PLD1: variants seen among roughly 807,000 people sequenced by gnomAD.
The protein encoded by PLD1 is choline phosphatase 1.
In PLD1, 112 loss-of-function variants were observed where a neutral mutation model predicts 137.1. The ratio of observed to expected loss-of-function variants is 0.82; its 90% CI spans 0.70 to 0.96. The LOEUF (loss-of-function observed/expected upper bound fraction) is 0.96. Among genes scored for constraint, PLD1 ranks in the 40% least tolerant of loss-of-function variants. The pLI, the probability that PLD1 is intolerant of heterozygous loss-of-function variation, is 0.00. For missense variants in PLD1, 1,321 were observed against 1,342.0 expected, an observed-to-expected ratio of 0.98 and a Z score of 0.24; for synonymous variants, 431 against 454.7, an observed-to-expected ratio of 0.95 and a Z score of 0.66.
chr3:171,644,021 C>A (rs1735992313), intron 22 of PLD1, among the ~76,000 whole-genome samples: 1 of 152,044 alleles, frequency 6.6e-6, no homozygotes, highest in African/African-American at 2.4e-5. Context: ...GGCGAGGGGG[C>A]CCAAGCAGGA....
At chr3:171,727,543 G>A (rs1001389476) in intron 6 of PLD1, among the ~76,000 whole-genome samples, 1 of 152,172 alleles carries the variant, frequency 6.6e-6, no homozygotes. Context: ...TAGCAGCCTT[G>A]ATAGACCAAC....
At position 171,763,096 on chromosome 3, in the gene PLD1, CAAATTGTCTT is replaced by C. The variant is rs1420427046; in HGVS notation, c.-31-25024_-31-25015del. On this transcript the variant is annotated intron_variant, in intron 1 of 26. Coordinates refer to ENST00000351298, the MANE Select transcript of PLD1 (RefSeq NM_002662.5). ...TCTGAGTTCCAGCACCATACCACAG[CAAATTGTCTT>C]CTATGGCAAAGTCTCATGCCCCAGT... Among the ~76,000 whole-genome samples the C allele has an allele frequency of 7.2e-5, 11 of 152,140 alleles. No homozygotes were observed. The East Asian group carries it at 2.1e-3, about 30-fold the overall frequency.
At chr3:171,772,838 C>T (rs952044202) in intron 1 of PLD1, among the ~76,000 whole-genome samples, 2 of 152,092 alleles carry the variant, frequency 1.3e-5, no homozygotes, top group Non-Finnish European at 2.9e-5. Flanking sequence ...TAAAAATGCT[C>T]ATGCAAAAAA....
At chr3:171,766,978 T>A (rs893813471) in intron 1 of PLD1, among the ~76,000 whole-genome samples, 1 of 152,234 alleles carries the variant, frequency 6.6e-6, no homozygotes, top group Non-Finnish European at 1.5e-5. Flanking sequence ...TTTAAAAAAA[T>A]ATATGTCTCA....
At chr3:171,755,808 G>A (rs1409266871) in intron 1 of PLD1, among the ~76,000 whole-genome samples, 2 of 152,100 alleles carry the variant, frequency 1.3e-5, no homozygotes, top group Non-Finnish European at 2.9e-5. Flanking sequence ...TCCTTGTCCT[G>A]ATCTTCAGAC....
intron 24 of PLD1, among the ~76,000 whole-genome samples, chr3:171,614,780 C>A (rs3774045): frequency 0.52 from 79,078 of 152,050 alleles, 21,861 homozygotes; most frequent in African/African-American, 0.72. Context: ...TGCTTTGTTT[C>A]GGGTCAGGAG....
chr3:171,652,185 G>A (rs1194840090), intron 21 of PLD1, among the ~76,000 whole-genome samples: 2 of 151,984 alleles, frequency 1.3e-5, no homozygotes, highest in Non-Finnish European at 1.5e-5. Flanking sequence ...AGGCCAAGGC[G>A]GGCGGACCAC....
chr3:171,674,506 G>A lies in PLD1; in HGVS notation c.2223C>T (p.Asn741=), dbSNP rs757293042. The A allele has an allele frequency of 9.0e-6, 14 of 1,556,972 alleles. No homozygotes were observed. In the South Asian group the frequency reaches 1.0e-4, roughly 12 times the overall value. The change falls in exon 19 of 27, where the codon AAC becomes AAT. Residue 741 remains asparagine (N), a synonymous_variant. Transcript: ENST00000351298. ...AAAGCCAGAACTTACTTACCTGTACGTTAGCATGGACAGACCCAGGCACTT... is the reference window on the plus strand; with the variant it reads ...AAAGCCAGAACTTACTTACCTGTACATTAGCATGGACAGACCCAGGCACTT... The part of the protein sequence containing the change: ...RYQVPGSVHA[N]VQLLRSAADW...
At chr3:171,807,518 G>A (rs978444527) in intron 1 of PLD1, among the ~76,000 whole-genome samples, 9 of 152,022 alleles carry the variant, frequency 5.9e-5, no homozygotes, top group Admixed American at 4.6e-4. Context: ...GGCTACAATG[G>A]TAAATTTTAT....
intron 1 of PLD1, among the ~76,000 whole-genome samples, chr3:171,783,180 G>T (rs1040609640): frequency 4.6e-5 from 7 of 152,148 alleles, no homozygotes; most frequent in Non-Finnish European, 8.8e-5. Context: ...GTTTACTAGG[G>T]AAGTAGGGTT....
At chr3:171,762,185 T>C (rs1721446061) in intron 1 of PLD1, among the ~76,000 whole-genome samples, 1 of 152,338 alleles carries the variant, frequency 6.6e-6, no homozygotes, top group South Asian at 2.1e-4. Flanking sequence ...AATGATGCAG[T>C]AACCAAGTGC....
Position 171,694,206 on chromosome 3 carries a change from T to C in PLD1, c.1228-1764A>G, listed in dbSNP as rs368846604. ...CTGGTGTGCATTAACAAGATTTGAG[T>C]ACTAGGAGAAGACTCATTCTTGCTC... is the stretch of plus-strand genomic sequence containing the variant. On this transcript the variant is annotated intron_variant, in intron 12 of 26. Transcript: ENST00000351298. 2.4e-4 allele frequency among the ~76,000 whole-genome samples: 36 copies of C among 152,028 alleles called. No individual in the cohort carries two copies. The East Asian group carries it at 6.9e-3, about 29-fold the overall frequency.
At chr3:171,756,668 A>G (rs1447927912) in intron 1 of PLD1, among the ~76,000 whole-genome samples, 1 of 152,242 alleles carries the variant, frequency 6.6e-6, no homozygotes, top group Non-Finnish European at 1.5e-5. Context: ...GAATAAAAAC[A>G]TACGATGTAA....
At chr3:171,671,712 G>A (rs1034118491) in intron 19 of PLD1, among the ~76,000 whole-genome samples, 5 of 151,936 alleles carry the variant, frequency 3.3e-5, no homozygotes, top group African/African-American at 1.2e-4. Context: ...CTTCTTGGTG[G>A]TTTTATAATA....
At chr3:171,704,244 A>T (rs1470056009) in intron 11 of PLD1, among the ~76,000 whole-genome samples, 2 of 152,192 alleles carry the variant, frequency 1.3e-5, no homozygotes, top group Non-Finnish European at 2.9e-5. Flanking sequence ...AGATCTGAAT[A>T]GCACCACAAA....
chr3:171,787,588 A>C (rs1301960420), intron 1 of PLD1, among the ~76,000 whole-genome samples: 2 of 152,060 alleles, frequency 1.3e-5, no homozygotes, highest in East Asian at 3.9e-4. Flanking sequence ...ATATTTTATA[A>C]CTCATTTGAA....
At chr3:171,660,392 T>C (rs189177663) in intron 20 of PLD1, among the ~76,000 whole-genome samples, 1 of 152,290 alleles carries the variant, frequency 6.6e-6, no homozygotes, top group Admixed American at 6.5e-5. Flanking sequence ...ATAAAGAAGC[T>C]TAGCATGCCT....
At chr3:171,617,428 G>A (rs184991604) in intron 24 of PLD1, among the ~76,000 whole-genome samples, 1 of 152,288 alleles carries the variant, frequency 6.6e-6, no homozygotes, top group Non-Finnish European at 1.5e-5. Flanking sequence ...CTCTCATATG[G>A]AAGGAGTAGC....
intron 1 of PLD1, among the ~76,000 whole-genome samples, chr3:171,782,126 A>T (rs1722818162): frequency 6.6e-6 from 1 of 152,244 alleles, no homozygotes; most frequent in Admixed American, 6.5e-5. Flanking sequence ...AAGAAGCCTT[A>T]CATAAAAGAG....
Sources: gnomAD v4.1 joint callset for allele counts (sites outside exome capture counted in the v4.1 genomes callset) on GRCh38, gnomAD v4.1.1 for gene constraint, MANE v1.5 for transcripts, NCBI Gene and HGNC (gene_info 2026-07-23, HGNC 2026-07-21) for gene names.